Variants in KIF26B observed in about 807,000 individuals in gnomAD.
The protein encoded by KIF26B is kinesin family member 26B.
In KIF26B, 63 loss-of-function variants were observed where a neutral mutation model predicts 151.2. That is an observed-to-expected ratio of 0.42 (90% confidence interval 0.34 to 0.51). The LOEUF (loss-of-function observed/expected upper bound fraction) is 0.51, where lower values mean the gene tolerates loss of function less well. Ranked by LOEUF, KIF26B falls within the 20% of genes least tolerant of loss-of-function variation. The probability of loss-of-function intolerance (pLI) is 0.07; values close to 1 mark genes in which losing one functional copy is unlikely to be tolerated. For missense variants in KIF26B, 2,813 were observed against 2,913.6 expected (o/e 0.97, Z 0.79); for synonymous variants, 1,357 against 1,262.1 (o/e 1.08, Z -1.59).
intron 5 of KIF26B, among the ~76,000 whole-genome samples, chr1:245,580,250 C>G (rs1164600120): frequency 6.6e-6 from 1 of 152,210 alleles, no homozygotes; most frequent in Non-Finnish European, 1.5e-5. Context: ...ATGATCTTCC[C>G]TTTGCCAGTG....
chr1:245,427,623 A>G (rs968618844), intron 4 of KIF26B, among the ~76,000 whole-genome samples: 1 of 152,122 alleles, frequency 6.6e-6, no homozygotes, highest in African/African-American at 2.4e-5. Flanking sequence ...CAAACAAACA[A>G]ACAAAGAAAA....
At chr1:245,525,858 A>G (rs910569298) in intron 4 of KIF26B, among the ~76,000 whole-genome samples, 3 of 152,226 alleles carry the variant, frequency 2.0e-5, no homozygotes, top group Admixed American at 6.5e-5. Context: ...ACAATGTGTT[A>G]GTAAAGTTGA....
In KIF26B at chr1:245,655,104, C is replaced by T. The variant is rs184981147; in HGVS notation, c.2258+8824C>T. On this transcript the variant is annotated intron_variant, in intron 10 of 14. Transcript: ENST00000407071. ...TAAAGAGATGGATTGCAACCTGCGCCGTTGAGCTAGTGCTGAGCTGAGGCC... is the reference window on the plus strand; with the variant it reads ...TAAAGAGATGGATTGCAACCTGCGCTGTTGAGCTAGTGCTGAGCTGAGGCC... 1.8e-4 allele frequency among the ~76,000 whole-genome samples: 28 copies of T among 152,332 alleles called. No individual in the cohort carries two copies. The East Asian group carries it at 3.3e-3, about 18-fold the overall frequency.
chr1:245,700,869 C>T (rs1357907106), intron 14 of KIF26B, among the ~76,000 whole-genome samples: 1 of 152,220 alleles, frequency 6.6e-6, no homozygotes, highest in Non-Finnish European at 1.5e-5. Context: ...GCTGCGGATA[C>T]CCTTTTCCTT....
intron 10 of KIF26B, among the ~76,000 whole-genome samples, chr1:245,659,500 C>A (rs2044110486): frequency 6.6e-6 from 1 of 152,130 alleles, no homozygotes; most frequent in African/African-American, 2.4e-5. Flanking sequence ...TGAGAAGAGG[C>A]ACTGAAGCTA....
At position 245,688,032 on chromosome 1, in the gene KIF26B, GC is replaced by G; in HGVS notation, c.5050del (p.Arg1684GlyfsTer8). ...GCCACTACGAATGCCTCTCCCTGGA[GC>G]GGGCCGAGAGCCTGTCCTCCGTGAG... ...VSHYECLSLE[R>X]AESLSSVSSR... On this transcript the variant is annotated frameshift_variant, in exon 12 of 15. Transcript: ENST00000407071. LOFTEE classifies it high-confidence loss of function. 3 of 1,557,898 alleles carry G rather than the reference GC, an allele frequency of 1.9e-6. No homozygotes were observed. Among genetic ancestry groups the G allele is most frequent in the Non-Finnish European group, 2.6e-6 (3 of 1,151,850 alleles).
intron 4 of KIF26B, among the ~76,000 whole-genome samples, 159 bp downstream of exon 4, chr1:245,419,904 G>A (rs1298734018): frequency 6.6e-6 from 1 of 152,142 alleles, no homozygotes; most frequent in East Asian, 1.9e-4. Flanking sequence ...GTGACCTCTC[G>A]GGCCAGCTAA....
intron 2 of KIF26B, among the ~76,000 whole-genome samples, chr1:245,250,043 AAT>A (rs560270322): frequency 2.0e-4 from 31 of 152,354 alleles, no homozygotes; most frequent in Admixed American, 3.3e-4. Context: ...TATAGGAAAT[AAT>A]ATAACATGAT....
chr1:245,323,730 C>T (rs938428415), intron 2 of KIF26B, among the ~76,000 whole-genome samples: 4 of 152,236 alleles, frequency 2.6e-5, no homozygotes, highest in Admixed American at 6.5e-5. Flanking sequence ...ACTAATTAAT[C>T]GACCCATCTA....
At chr1:245,483,827 C>T (rs767511288) in intron 4 of KIF26B, among the ~76,000 whole-genome samples, 1 of 151,892 alleles carries the variant, frequency 6.6e-6, no homozygotes, top group Non-Finnish European at 1.5e-5. Flanking sequence ...GGGAATCAAT[C>T]GGGAAGCATA....
Position 245,564,104 on chromosome 1 carries a change from G to A in KIF26B, c.1350+23154G>A, listed in dbSNP as rs80293804. 0.055 allele frequency among the ~76,000 whole-genome samples: 8,361 copies of A among 152,130 alleles called. 349 individuals are homozygous for A. Among genetic ancestry groups the A allele is most frequent in the African/African-American group, 0.11 (4,480 of 41,474 alleles). On this transcript the variant is annotated intron_variant, in intron 5 of 14. Coordinates refer to ENST00000407071, the MANE Select transcript of KIF26B (RefSeq NM_018012.4). The surrounding 1 kb of genome is among the most constrained non-coding windows in gnomAD (Gnocchi z 4.6). ...CCCAAGTACCAGTCAGGCTCCCACC[G>A]TCCCTTCCTATCCCAAAATGTCACC...
At chr1:245,389,784 T>A (rs1673640924) in intron 3 of KIF26B, among the ~76,000 whole-genome samples, 1 of 152,234 alleles carries the variant, frequency 6.6e-6, no homozygotes, top group Non-Finnish European at 1.5e-5. Context: ...TTGATAAGAC[T>A]TGATATGAGA....
chr1:245,636,776 T>C (rs928719326), intron 9 of KIF26B, among the ~76,000 whole-genome samples: 15 of 152,044 alleles, frequency 9.9e-5, no homozygotes, highest in African/African-American at 3.6e-4. Context: ...CTGACTTATT[T>C]CATTTAACAT....
intron 2 of KIF26B, among the ~76,000 whole-genome samples, chr1:245,228,774 C>T (rs1171636551): frequency 6.6e-6 from 1 of 152,102 alleles, no homozygotes; most frequent in Non-Finnish European, 1.5e-5. Flanking sequence ...TGAAATGTAG[C>T]AGGTTGCTTC....
At chr1:245,169,410 A>T (rs1668672725) in intron 2 of KIF26B, among the ~76,000 whole-genome samples, 1 of 151,026 alleles carries the variant, frequency 6.6e-6, no homozygotes, top group South Asian at 2.1e-4. Flanking sequence ...GTAAGGTGGT[A>T]ACACGGTAGA....
rs907387870 is a variant in KIF26B at position 245,698,036 on chromosome 1, T to C, written c.5825-70T>C. 2.1e-6 allele frequency: 3 copies of C among 1,423,048 alleles called. No individual in the cohort carries two copies. The highest frequency in any genetic ancestry group is 2.9e-6 in the Non-Finnish European group (3 of 1,044,244). 88.2% of individuals were successfully genotyped at this position (1,423,048 alleles called of 1,614,324 possible). On this transcript the variant is annotated intron_variant, in intron 12 of 14. Transcript: ENST00000407071. The surrounding 1 kb of genome is among the most constrained non-coding windows in gnomAD (Gnocchi z 4.0). ...CAGCCTGGGCAACAGAGCAAGACCC[T>C]GTCTCAAAAAAACAACAAAAAAATT...
chr1:245,185,834 G>A (rs1316306039), intron 2 of KIF26B, among the ~76,000 whole-genome samples: 2 of 151,866 alleles, frequency 1.3e-5, no homozygotes, highest in Non-Finnish European at 2.9e-5. Flanking sequence ...AACCTTGAGA[G>A]TTAAAGAAAA....
chr1:245,168,531 TGTTTTGTAGTTAATTTTACATTAAAA>T (rs375337778), intron 2 of KIF26B, among the ~76,000 whole-genome samples: 27 of 152,352 alleles, frequency 1.8e-4, no homozygotes, highest in African/African-American at 6.5e-4. Context: ...GAAATAAGGA[TGTTTTGTAGTTAATTTTACATTAAAA>T]GTTCTGCCAT....
intron 3 of KIF26B, among the ~76,000 whole-genome samples, chr1:245,382,533 T>TTGTGTG (rs71563746): frequency 2.4e-4 from 36 of 150,116 alleles, no homozygotes; most frequent in Middle Eastern, 3.4e-3. Context: ...AAGCACAGGT[T>TTGTGTG]TGTGTGTGTG....
Sources: gnomAD v4.1 joint callset for allele counts (sites outside exome capture counted in the v4.1 genomes callset) on GRCh38, gnomAD v4.1.1 for gene constraint, Gnocchi (gnomAD v3.1) non-coding constraint, MANE v1.5 for transcripts, NCBI Gene and HGNC (gene_info 2026-07-23, HGNC 2026-07-21) for gene names.